PRIMPOL: variants seen among roughly 807,000 people sequenced by gnomAD.
PRIMPOL encodes the protein primase and DNA directed polymerase, also known as DNA-directed primase/polymerase protein.
In PRIMPOL, 54 loss-of-function variants were observed where a neutral mutation model predicts 63.6. The ratio of observed to expected loss-of-function variants is 0.85; its 90% CI spans 0.68 to 1.07. The LOEUF is 1.07. PRIMPOL is among the 50% of genes least tolerant of loss of function. The pLI is 0.00. For missense variants in PRIMPOL, 610 were observed against 648.3 expected (o/e 0.94, Z 0.64); for synonymous variants, 197 against 220.2 (o/e 0.89, Z 0.93).
Position 184,658,666 on chromosome 4 carries a change from G to A in PRIMPOL, c.181-674G>A, listed in dbSNP as rs532499000. Among the ~76,000 whole-genome samples, 72 of 152,222 alleles carry A rather than the reference G, an allele frequency of 4.7e-4. No homozygotes were observed. In the Middle Eastern group the frequency reaches 0.01, roughly 22 times the overall value. On this transcript the variant is annotated intron_variant, in intron 3 of 13. Transcript: ENST00000314970. Reference sequence around the variant, plus strand: ...CATGCCTGTAATCCCAGCACTTTAGGAGGCTGAGGCAGGCAGATCACTTTG... The same window carrying A: ...CATGCCTGTAATCCCAGCACTTTAGAAGGCTGAGGCAGGCAGATCACTTTG...
At chr4:184,682,875 C>A (rs560330386) in intron 9 of PRIMPOL, among the ~76,000 whole-genome samples, 23 of 149,930 alleles carry the variant, frequency 1.5e-4, no homozygotes, top group African/African-American at 4.9e-4. Flanking sequence ...CTTAGCAAAA[C>A]CCTATCTCTA....
intron 6 of PRIMPOL, among the ~76,000 whole-genome samples, chr4:184,671,443 T>TATC (rs531872104): frequency 6.6e-6 from 1 of 151,952 alleles, no homozygotes; most frequent in African/African-American, 2.4e-5. Flanking sequence ...CATTCTTCAT[T>TATC]ATTATTATTA....
chr4:184,687,603 T>C (rs1757323280), intron 11 of PRIMPOL, among the ~76,000 whole-genome samples: 1 of 152,170 alleles, frequency 6.6e-6, no homozygotes, highest in African/African-American at 2.4e-5. Flanking sequence ...AACAATATAC[T>C]GTTTTCTTTT....
intron 7 of PRIMPOL, among the ~76,000 whole-genome samples, chr4:184,675,699 C>T (rs1431536076): frequency 6.6e-6 from 1 of 152,102 alleles, no homozygotes; most frequent in Non-Finnish European, 1.5e-5. Flanking sequence ...TGCCTGTAAT[C>T]CCAGCTACTC....
At chr4:184,671,485 C>T (rs1751611935) in intron 6 of PRIMPOL, among the ~76,000 whole-genome samples, 1 of 152,022 alleles carries the variant, frequency 6.6e-6, no homozygotes, top group African/African-American at 2.4e-5. Flanking sequence ...GGCACGAGAG[C>T]CCTTCATTCT....
At chr4:184,663,124 A>T (rs1203496813) in intron 5 of PRIMPOL, among the ~76,000 whole-genome samples, 1 of 151,186 alleles carries the variant, frequency 6.6e-6, no homozygotes, top group Non-Finnish European at 1.5e-5. Context: ...AGCTCACTGC[A>T]ATCTCTGCCT....
chr4:184,694,760 T>TAGA lies in PRIMPOL; in HGVS notation c.1667_1669dup (p.Glu556dup). Reference sequence around the variant, plus strand: ...GATGAAATTCCTGATGAACTAATTATAGAAGTATTACAAGAGTAACTAATT... The same window carrying TAGA: ...GATGAAATTCCTGATGAACTAATTATAGAAGAAGTATTACAAGAGTAACTAATT... On this transcript the variant is annotated inframe_insertion, in exon 14 of 14. Coordinates refer to ENST00000314970, the MANE Select transcript of PRIMPOL (RefSeq NM_152683.4). 18 of 1,611,462 alleles carry TAGA rather than the reference T, an allele frequency of 1.1e-5. No homozygotes were observed. The highest frequency in any genetic ancestry group is 1.5e-5 in the Non-Finnish European group (18 of 1,177,568).
chr4:184,672,205 C>T lies in PRIMPOL; in HGVS notation c.589C>T (p.Leu197Phe). 1 of 1,610,670 alleles carries T rather than the reference C, an allele frequency of 6.2e-7. No individual in the cohort carries two copies. Among genetic ancestry groups the T allele is most frequent in the Non-Finnish European group, 8.5e-7 (1 of 1,179,194 alleles). ...TTTGAGAAAAATTTTGCAGCCTGCT[C>T]TTGACTTGCTTGGCAGTGAAGATGA... The part of the protein sequence containing the change: ...NFLRKILQPA[L>F]DLLGSEDDDS... Residue 197 changes from leucine to phenylalanine, a missense_variant, in exon 7 of 14, where the codon CTT (leucine) becomes TTT (phenylalanine). Leu to Phe is a conservative substitution (Grantham distance 22, BLOSUM62 0). Transcript: ENST00000314970.
chr4:184,659,202 G>A (rs1157877225), intron 3 of PRIMPOL, 138 bp from the exon 4 acceptor site: 4 of 651,106 alleles, frequency 6.1e-6, no homozygotes, highest in Non-Finnish European at 5.4e-6. Context: ...TATTTGTCTT[G>A]TTTTTAATAA....
At chr4:184,661,114 A>G (rs1341661961) in intron 4 of PRIMPOL, among the ~76,000 whole-genome samples, 1 of 152,206 alleles carries the variant, frequency 6.6e-6, no homozygotes, top group Non-Finnish European at 1.5e-5. Context: ...TCCTGAAAAG[A>G]ACATTTTTTT....
chr4:184,678,919 A>T (rs1754848872), intron 8 of PRIMPOL, among the ~76,000 whole-genome samples: 1 of 152,106 alleles, frequency 6.6e-6, no homozygotes, highest in African/African-American at 2.4e-5. Context: ...TTTTCTCTAT[A>T]TATCTTTTTA....
At chr4:184,651,112 A>G (rs934966119) in intron 1 of PRIMPOL, among the ~76,000 whole-genome samples, 21 of 151,780 alleles carry the variant, frequency 1.4e-4, no homozygotes, top group African/African-American at 5.1e-4. Context: ...AGATGGTGAA[A>G]CCCTGTCTTT....
At position 184,665,789 on chromosome 4, in the gene PRIMPOL, G is replaced by A. The variant is rs578125511; in HGVS notation, c.409-128G>A. ...CAAAGTGCTGGGATTACAGGCATGA[G>A]CCACCACGCCTGATCAGAAATTAAT... On this transcript the variant is annotated intron_variant, in intron 5 of 13. Transcript: ENST00000314970. The A allele has an allele frequency of 1.5e-3, 825 of 535,814 alleles. 1 individual carries two copies. The highest frequency in any genetic ancestry group is 2.0e-3 in the Non-Finnish European group (658 of 328,656). The allele number at this position is 535,814 out of a possible 1,614,324, so 33.2% of individuals were successfully genotyped here. A position where few individuals can be genotyped will look rare whatever the true frequency, so the allele number is the denominator to read the frequency against.
chr4:184,651,288 C>A (rs1186729500), intron 1 of PRIMPOL, among the ~76,000 whole-genome samples: 1 of 144,800 alleles, frequency 6.9e-6, no homozygotes. Flanking sequence ...AAGACTCTGT[C>A]TCAAAAAAAA....
intron 6 of PRIMPOL, among the ~76,000 whole-genome samples, chr4:184,671,098 G>A (rs2696050): frequency 0.18 from 26,903 of 152,138 alleles, 3,567 homozygotes; most frequent in East Asian, 0.7. Flanking sequence ...GTTTGAAGAA[G>A]TTCTGGATTT....
At chr4:184,689,814 G>A (rs1295832556) in intron 11 of PRIMPOL, among the ~76,000 whole-genome samples, 3 of 152,176 alleles carry the variant, frequency 2.0e-5, no homozygotes, top group African/African-American at 7.2e-5. Flanking sequence ...CAAAGATGGA[G>A]CATGAATGAA....
At chr4:184,689,206 C>T (rs1456161204) in intron 11 of PRIMPOL, among the ~76,000 whole-genome samples, 1 of 150,762 alleles carries the variant, frequency 6.6e-6, no homozygotes, top group East Asian at 1.9e-4. Flanking sequence ...GTTTAGACTA[C>T]AGGTGTGCCA....
chr4:184,658,907 C>CAAAAAAAAAAAAA (rs35646133), intron 3 of PRIMPOL, among the ~76,000 whole-genome samples: 1 of 93,794 alleles, frequency 1.1e-5, no homozygotes, highest in African/African-American at 4.1e-5. Flanking sequence ...GACTCTGTTT[C>CAAAAAAAAAAAAA]AAAAAAAAAA....
At chr4:184,671,395 G>C (rs1201073184) in intron 6 of PRIMPOL, among the ~76,000 whole-genome samples, 1 of 152,054 alleles carries the variant, frequency 6.6e-6, no homozygotes, top group African/African-American at 2.4e-5. Flanking sequence ...CAGTGCTTCT[G>C]TCTGTTAGCT....
Sources: allele counts gnomAD v4.1 joint callset (sites outside exome capture counted in the v4.1 genomes callset), GRCh38; gene constraint gnomAD v4.1.1; transcripts MANE v1.5; gene names NCBI Gene and HGNC (gene_info 2026-07-23, HGNC 2026-07-21).